C8orf74: variants seen among roughly 807,000 people sequenced by gnomAD.
C8orf74 encodes the protein uncharacterized protein C8orf74.
Under a neutral mutation model 22.2 loss-of-function variants are expected in C8orf74, and 29 were observed. The observed-to-expected ratio is 1.31, with a 90% confidence interval of 0.97 to 1.78. The LOEUF (loss-of-function observed/expected upper bound fraction) is 1.78. Among genes scored for constraint, C8orf74 ranks in the 40% most tolerant of loss-of-function variants. The pLI is 0.00. For missense variants in C8orf74, 515 were observed against 369.9 expected (o/e 1.39, Z -3.22); for synonymous variants, 255 against 163.1 (o/e 1.56, Z -4.30).
At position 10,672,835 on chromosome 8, in the gene C8orf74, A is replaced by C. The variant is rs1171046043; in HGVS notation, c.48+122A>C. The C allele has an allele frequency of 8.8e-5, 70 of 798,468 alleles. No individual in the cohort carries two copies. The East Asian group carries it at 1.9e-3, about 21-fold the overall frequency. The allele number at this position is 798,468 out of a possible 1,614,324, so 49.5% of individuals were successfully genotyped here. On this transcript the variant is annotated intron_variant, in intron 1 of 3. Coordinates refer to ENST00000304519, the MANE Select transcript of C8orf74 (RefSeq NM_001040032.2). The stretch of plus-strand genomic sequence containing the variant: ...GGCAGCCACCCCGGCTCAGCACAGC[A>C]CCTCTGAGGCTGTGACGAGATGTGG...
At chr8:10,683,011 G>T (rs1009649690) in intron 2 of C8orf74, among the ~76,000 whole-genome samples, 2 of 152,244 alleles carry the variant, frequency 1.3e-5, no homozygotes, top group Admixed American at 1.3e-4. Context: ...TTTGAACCCA[G>T]GTCAGCATCC....
intron 1 of C8orf74, among the ~76,000 whole-genome samples, chr8:10,674,184 GC>G (rs1798976774): frequency 9.8e-6 from 1 of 102,518 alleles, no homozygotes; most frequent in African/African-American, 4.3e-5. Context: ...ACAGCCTGCA[GC>G]CCCCATATCA....
Position 10,700,307 on chromosome 8 carries a change from A to G in C8orf74, c.721A>G (p.Ile241Val). Residue 241 changes from isoleucine to valine, a missense_variant, in exon 4 of 4, where the codon ATC (isoleucine) becomes GTC (valine). Coordinates refer to ENST00000304519, the MANE Select transcript of C8orf74 (RefSeq NM_001040032.2). ...CCTGCAGGAGCTGCTGCAGCGCCAG[A>G]TCCAGAACACATTCGCCATCTTGGA... is the stretch of plus-strand genomic sequence containing the variant. The part of the protein sequence containing the change: ...ELLQELLQRQ[I>V]QNTFAILDLK... The G allele has an allele frequency of 1.9e-6, 3 of 1,613,932 alleles. No individual in the cohort carries two copies. The South Asian group carries it at 3.3e-5, about 18-fold the overall frequency.
intron 2 of C8orf74, among the ~76,000 whole-genome samples, chr8:10,687,563 G>C (rs111287733): frequency 7.4e-6 from 1 of 134,444 alleles, no homozygotes; most frequent in South Asian, 2.5e-4. Flanking sequence ...AGTCAGCTGA[G>C]TAAGATCGCT....
chr8:10,687,160 T>G (rs1056039418), intron 2 of C8orf74: 5 of 455,950 alleles, frequency 1.1e-5, no homozygotes, highest in Non-Finnish European at 2.2e-5. Context: ...ACGGTGACAA[T>G]GGCATTACTT....
intron 2 of C8orf74, among the ~76,000 whole-genome samples, chr8:10,684,706 G>A (rs1799223952): frequency 6.6e-6 from 1 of 152,200 alleles, no homozygotes; most frequent in Non-Finnish European, 1.5e-5. Flanking sequence ...ACAGATAGAA[G>A]ATTTGTTCTT....
rs1478462457 is a variant in C8orf74 at position 10,700,555 on chromosome 8, C to T, written c.*84C>T. On this transcript the variant is annotated 3_prime_UTR_variant, in exon 4 of 4. Transcript: ENST00000304519. ...TGCGGCACGGTGAGCTCAGCACCCA[C>T]AGAGAGACTTCTTGTGATTAAAAGA... 1.3e-6 allele frequency: 1 copy of T among 794,018 alleles called. No homozygotes were observed. Among genetic ancestry groups the T allele is most frequent in the Non-Finnish European group, 2.0e-6 (1 of 507,722 alleles). 49.2% of individuals were successfully genotyped at this position (794,018 alleles called of 1,614,324 possible). A position where few individuals can be genotyped will look rare whatever the true frequency, so the allele number is the denominator to read the frequency against.
chr8:10,679,967 G>A (rs897162125), intron 2 of C8orf74: 1 of 153,256 alleles, frequency 6.5e-6, no homozygotes, highest in Non-Finnish European at 1.5e-5. Flanking sequence ...AGCTGCCGGA[G>A]AGGGGTCTGC....
chr8:10,677,222 C>T lies in C8orf74; in HGVS notation c.241+2384C>T, dbSNP rs182710482. Among the ~76,000 whole-genome samples, 12 of 152,278 alleles carry T rather than the reference C, an allele frequency of 7.9e-5. No individual in the cohort carries two copies. In the East Asian group the frequency reaches 1.7e-3, roughly 22 times the overall value. On this transcript the variant is annotated intron_variant, in intron 2 of 3. Coordinates refer to ENST00000304519, the MANE Select transcript of C8orf74 (RefSeq NM_001040032.2). ...ATGACCACACTCATCATTAGGAAGT[C>T]CTTTCTTGTATCTAGCCTACAGCTG... is the stretch of plus-strand genomic sequence containing the variant.
intron 2 of C8orf74, among the ~76,000 whole-genome samples, chr8:10,697,341 A>C (rs1270764325): frequency 6.6e-6 from 1 of 152,160 alleles, no homozygotes; most frequent in Non-Finnish European, 1.5e-5. Flanking sequence ...AGGCTGAGGC[A>C]GGGGGATTTC....
intron 1 of C8orf74, among the ~76,000 whole-genome samples, chr8:10,673,240 G>A (rs11778725): frequency 0.77 from 116,376 of 151,984 alleles, 46,866 homozygotes; most frequent in East Asian, 0.93. Context: ...GTGGTGGGTG[G>A]GTCTCTGCTG....
At chr8:10,684,105 G>A (rs1167771620) in intron 2 of C8orf74, among the ~76,000 whole-genome samples, 1 of 152,180 alleles carries the variant, frequency 6.6e-6, no homozygotes, top group East Asian at 1.9e-4. Flanking sequence ...CATAGACATG[G>A]CACACTGAGC....
chr8:10,700,128 C>A, intron 3 of C8orf74, 107 bp from the exon 4 acceptor site: 2 of 710,306 alleles, frequency 2.8e-6, no homozygotes, highest in Middle Eastern at 3.6e-4. Context: ...CAGGGTGAGA[C>A]GGATGGACAG....
intron 2 of C8orf74, among the ~76,000 whole-genome samples, chr8:10,695,748 C>T (rs780019155): frequency 8.5e-5 from 13 of 152,126 alleles, no homozygotes; most frequent in African/African-American, 1.9e-4. Flanking sequence ...GTGGGGAAAC[C>T]GCATAGGGCC....
chr8:10,694,120 C>G (rs1799440677), intron 2 of C8orf74, among the ~76,000 whole-genome samples: 1 of 152,178 alleles, frequency 6.6e-6, no homozygotes, highest in African/African-American at 2.4e-5. Flanking sequence ...GAAGCCCATG[C>G]TGTTGTTCAC....
intron 2 of C8orf74, among the ~76,000 whole-genome samples, chr8:10,685,716 G>A (rs1799249137): frequency 6.6e-6 from 1 of 152,146 alleles, no homozygotes; most frequent in Non-Finnish European, 1.5e-5. Flanking sequence ...GGAGATGGAT[G>A]GCAGTGATGG....
In C8orf74 at chr8:10,697,864, C is replaced by A. The variant is rs771036461; in HGVS notation, c.507C>A (p.Ala169=). Reference sequence around the variant, plus strand: ...TGTGGATCCACGAGCAGCAGGTGGCCACACTGACGGAGGCCGAGGCACAGA... The same window carrying A: ...TGTGGATCCACGAGCAGCAGGTGGCAACACTGACGGAGGCCGAGGCACAGA... ...RDLWIHEQQV[A]TLTEAEAQKR... Residue 169 remains alanine, a synonymous_variant, in exon 3 of 4, where the codon GCC becomes GCA. Coordinates refer to ENST00000304519, the MANE Select transcript of C8orf74 (RefSeq NM_001040032.2). 1.2e-6 allele frequency: 2 copies of A among 1,613,266 alleles called. No individual in the cohort carries two copies. Among genetic ancestry groups the A allele is most frequent in the South Asian group, 2.2e-5 (2 of 91,002 alleles).
At chr8:10,698,029 G>C in intron 3 of C8orf74, 24 bp downstream of exon 3, 1 of 1,447,818 alleles carries the variant, frequency 6.9e-7, no homozygotes. Flanking sequence ...CCCCTGCCGT[G>C]GGTGGGCACC....
intron 2 of C8orf74, among the ~76,000 whole-genome samples, chr8:10,678,468 C>T (rs1256465517): frequency 6.6e-6 from 1 of 152,138 alleles, no homozygotes; most frequent in Admixed American, 6.5e-5. Context: ...TTCAGACGGG[C>T]CCTAGCAAGG....
Sources: gnomAD v4.1 joint callset for allele counts (sites outside exome capture counted in the v4.1 genomes callset) on GRCh38, gnomAD v4.1.1 for gene constraint, MANE v1.5 for transcripts, NCBI Gene and HGNC (gene_info 2026-07-23, HGNC 2026-07-21) for gene names.